The following TP63 variants were observed in gnomAD, a reference collection of about 807,000 sequenced individuals.
The protein encoded by TP63 is tumor protein p63.
TP63 carries 17 observed loss-of-function variants against 82.8 expected under a neutral mutation model. That is an observed-to-expected ratio of 0.21 (90% CI 0.14 to 0.31). The LOEUF is 0.31. Ranked by LOEUF, TP63 falls within the 10% of genes least tolerant of loss-of-function variation. The pLI, the probability that TP63 is intolerant of heterozygous loss-of-function variation, is 1.00. For synonymous variants in TP63, 330 were observed against 321.7 expected, an observed-to-expected ratio of 1.03 and a Z score of -0.28; for missense variants, 648 against 895.3, an observed-to-expected ratio of 0.72 and a Z score of 3.52.
intron 4 of TP63, among the ~76,000 whole-genome samples, chr3:189,831,427 T>C (rs1324272811): frequency 6.6e-6 from 1 of 152,168 alleles, no homozygotes; most frequent in Non-Finnish European, 1.5e-5. Context: ...TATTTATACA[T>C]TTATATGCAC....
chr3:189,652,412 C>A (rs1712973309), intron 1 of TP63, among the ~76,000 whole-genome samples: 1 of 147,004 alleles, frequency 6.8e-6, no homozygotes, highest in South Asian at 2.2e-4. Flanking sequence ...GCCAATTTCT[C>A]CCATTTGAAA....
chr3:189,713,394 T>A (rs1385478585), intron 1 of TP63, among the ~76,000 whole-genome samples: 1 of 152,204 alleles, frequency 6.6e-6, no homozygotes, highest in Non-Finnish European at 1.5e-5. Flanking sequence ...GATACCATCC[T>A]CTGGTCCTTG....
intron 1 of TP63, among the ~76,000 whole-genome samples, chr3:189,686,544 C>A (rs1716452041): frequency 6.6e-6 from 1 of 151,500 alleles, no homozygotes; most frequent in Non-Finnish European, 1.5e-5. Context: ...ATTTCATGAA[C>A]TACTGGAAAG....
intron 4 of TP63, among the ~76,000 whole-genome samples, chr3:189,814,966 A>G (rs1049426800): frequency 2.7e-5 from 4 of 150,864 alleles, no homozygotes; most frequent in Non-Finnish European, 5.9e-5. Context: ...TTAAAAATGA[A>G]TAATTTAAAT....
At chr3:189,730,072 G>A (rs1240443023) in intron 1 of TP63, among the ~76,000 whole-genome samples, 1 of 152,158 alleles carries the variant, frequency 6.6e-6, no homozygotes, top group Non-Finnish European at 1.5e-5. Context: ...CTAGGGAGGT[G>A]GATAATGAAG....
chr3:189,871,975 C>T (rs994890239), intron 9 of TP63, among the ~76,000 whole-genome samples: 5 of 152,006 alleles, frequency 3.3e-5, no homozygotes, highest in Admixed American at 6.5e-5. Flanking sequence ...CCCAAATTGC[C>T]GGGATTGTAG....
intron 4 of TP63, among the ~76,000 whole-genome samples, chr3:189,841,936 G>A (rs142946676): frequency 6.6e-6 from 1 of 152,272 alleles, no homozygotes; most frequent in Admixed American, 6.5e-5. Flanking sequence ...AGGACGCTGA[G>A]CTCTAGGTAG....
chr3:189,869,717 G>GT (rs751802317), intron 9 of TP63, among the ~76,000 whole-genome samples: 2,356 of 136,574 alleles, frequency 0.017, 34 homozygotes, highest in African/African-American at 0.043. Flanking sequence ...TCTCTAGGGT[G>GT]TTTTTTTTTT....
chr3:189,864,014 A>G (rs959024091), intron 4 of TP63, among the ~76,000 whole-genome samples: 2 of 152,184 alleles, frequency 1.3e-5, no homozygotes, highest in Non-Finnish European at 2.9e-5. Flanking sequence ...TAAACATAAA[A>G]CCTTTTGTAA....
chr3:189,806,880 G>A (rs79327945), intron 3 of TP63, among the ~76,000 whole-genome samples: 3 of 150,778 alleles, frequency 2.0e-5, no homozygotes, highest in Non-Finnish European at 4.4e-5. Flanking sequence ...CTCCCCCTGT[G>A]GAAAAAAAAA....
At chr3:189,772,224 C>T (rs1465521683) in intron 3 of TP63, among the ~76,000 whole-genome samples, 5 of 152,214 alleles carry the variant, frequency 3.3e-5, no homozygotes, top group African/African-American at 1.2e-4. Context: ...GCTCTATTCA[C>T]TCACTTAGAA....
At chr3:189,625,530 G>T in the TP63 span, among the ~76,000 whole-genome samples, 1 of 151,970 alleles carries the variant, frequency 6.6e-6, no homozygotes, top group Non-Finnish European at 1.5e-5. Context: ...TAAGACAATT[G>T]TCAAATCTGA....
At chr3:189,879,695 T>C (rs1184492146) in intron 10 of TP63, among the ~76,000 whole-genome samples, 1 of 152,220 alleles carries the variant, frequency 6.6e-6, no homozygotes, top group South Asian at 2.1e-4. Flanking sequence ...AATACCTTGA[T>C]CTACCTTATC....
At chr3:189,638,790 C>T (rs1271849967) in intron 1 of TP63, among the ~76,000 whole-genome samples, 2 of 152,114 alleles carry the variant, frequency 1.3e-5, no homozygotes, top group East Asian at 1.9e-4. Flanking sequence ...CGATGCCTCT[C>T]TCTGAGAAAT....
intron 4 of TP63, among the ~76,000 whole-genome samples, chr3:189,842,706 G>C (rs1220210754): frequency 6.6e-6 from 1 of 152,176 alleles, no homozygotes; most frequent in African/African-American, 2.4e-5. Context: ...TCACTGGAGT[G>C]CTGCTTTCAA....
At chr3:189,889,168 G>C (rs1004226390) in intron 11 of TP63, among the ~76,000 whole-genome samples, 172 bp from the exon 12 acceptor site, 1 of 152,216 alleles carries the variant, frequency 6.6e-6, no homozygotes, top group Admixed American at 6.5e-5. Flanking sequence ...GAGTCTGACC[G>C]TTCTGTTTGA....
chr3:189,668,591 A>G (rs1478758268), intron 1 of TP63, among the ~76,000 whole-genome samples: 1 of 152,166 alleles, frequency 6.6e-6, no homozygotes, highest in African/African-American at 2.4e-5. Flanking sequence ...TCCAATGTTA[A>G]GAAATAAAAA....
intron 3 of TP63, among the ~76,000 whole-genome samples, chr3:189,805,269 A>C (rs1279399091): frequency 6.6e-6 from 1 of 152,168 alleles, no homozygotes; most frequent in African/African-American, 2.4e-5. Flanking sequence ...CTTTCTCAAA[A>C]TTGTCACTAG....
intron 3 of TP63, among the ~76,000 whole-genome samples, chr3:189,777,432 G>T (rs1463877715): frequency 6.6e-6 from 1 of 151,976 alleles, no homozygotes; most frequent in East Asian, 1.9e-4. Context: ...CCTGACCTCA[G>T]GTGATCCACC....
Sources: gnomAD v4.1 joint callset for allele counts (sites outside exome capture counted in the v4.1 genomes callset) on GRCh38, gnomAD v4.1.1 for gene constraint, MANE v1.5 for transcripts, NCBI Gene and HGNC (gene_info 2026-07-23, HGNC 2026-07-21) for gene names.